Variants in ADAM12 observed in about 807,000 individuals in gnomAD.
The protein encoded by ADAM12 is disintegrin and metalloproteinase domain-containing protein 12.
In ADAM12, 70 loss-of-function variants were observed where a neutral mutation model predicts 106.4. The observed-to-expected ratio is 0.66, with a 90% CI of 0.54 to 0.80. ADAM12 has a LOEUF of 0.80. Ranked by LOEUF, ADAM12 falls within the 30% of genes least tolerant of loss-of-function variation. The pLI is 0.00. For synonymous variants in ADAM12, 420 were observed against 433.5 expected, an observed-to-expected ratio of 0.97 and a Z score of 0.39; for missense variants, 1,010 against 1,171.9, an observed-to-expected ratio of 0.86 and a Z score of 2.02.
chr10:126,221,198 A>G (rs1423963930), intron 3 of ADAM12, among the ~76,000 whole-genome samples: 1 of 152,176 alleles, frequency 6.6e-6, no homozygotes, highest in African/African-American at 2.4e-5. Flanking sequence ...AGCCTGGCCA[A>G]TATGGTGAAA....
At chr10:126,178,212 C>CAA (rs11390365) in intron 3 of ADAM12, among the ~76,000 whole-genome samples, 468 of 147,204 alleles carry the variant, frequency 3.2e-3, no homozygotes, top group Non-Finnish European at 4.7e-3. Flanking sequence ...CTCAAACAGT[C>CAA]AAAAAAAAAA....
At chr10:126,144,334 A>T (rs1026101934) in intron 4 of ADAM12, among the ~76,000 whole-genome samples, 1 of 152,220 alleles carries the variant, frequency 6.6e-6, no homozygotes, top group Non-Finnish European at 1.5e-5. Flanking sequence ...TCAAATAAAC[A>T]TGACATGGGG....
At chr10:126,076,858 T>C (rs978111205) in intron 11 of ADAM12, among the ~76,000 whole-genome samples, 1 of 152,184 alleles carries the variant, frequency 6.6e-6, no homozygotes, top group Non-Finnish European at 1.5e-5. Flanking sequence ...AGGTCCCACT[T>C]GTCAATTTTT....
At chr10:126,139,120 T>C (rs974108881) in intron 4 of ADAM12, among the ~76,000 whole-genome samples, 1 of 152,236 alleles carries the variant, frequency 6.6e-6, no homozygotes, top group Non-Finnish European at 1.5e-5. Context: ...AATAACCCAT[T>C]GAGATCTCAG....
intron 3 of ADAM12, among the ~76,000 whole-genome samples, chr10:126,229,079 A>C (rs1325883553): frequency 6.6e-6 from 1 of 152,328 alleles, no homozygotes; most frequent in African/African-American, 2.4e-5. Context: ...CGCTAATGGA[A>C]ACACTTCTGC....
chr10:126,315,226 C>T (rs776152831), intron 2 of ADAM12, among the ~76,000 whole-genome samples: 7 of 152,224 alleles, frequency 4.6e-5, no homozygotes, highest in Middle Eastern at 3.4e-3. Context: ...GTGTTGTCTT[C>T]GAGGGTATTT....
At chr10:126,370,429 A>C (rs1856068801) in intron 1 of ADAM12, among the ~76,000 whole-genome samples, 1 of 152,204 alleles carries the variant, frequency 6.6e-6, no homozygotes, top group Non-Finnish European at 1.5e-5. Context: ...AAGATAGTAT[A>C]CTTAATTATT....
intron 3 of ADAM12, among the ~76,000 whole-genome samples, chr10:126,249,624 A>T (rs1958705777): frequency 6.6e-6 from 1 of 152,242 alleles, no homozygotes; most frequent in Non-Finnish European, 1.5e-5. Context: ...GAATGGCGTC[A>T]ACCCGGGAGG....
chr10:126,225,242 T>C (rs1374061382), intron 3 of ADAM12, among the ~76,000 whole-genome samples: 1 of 152,218 alleles, frequency 6.6e-6, no homozygotes, highest in Non-Finnish European at 1.5e-5. Flanking sequence ...GCACCATGTA[T>C]ATGTTTTCTG....
chr10:126,377,632 A>G (rs1856341096), intron 1 of ADAM12, among the ~76,000 whole-genome samples: 1 of 152,202 alleles, frequency 6.6e-6, no homozygotes, highest in Non-Finnish European at 1.5e-5. Context: ...GCATCCTTCA[A>G]TCCAATCAAG....
chr10:126,030,878 T>C (rs1211189752), intron 21 of ADAM12, among the ~76,000 whole-genome samples: 2 of 152,226 alleles, frequency 1.3e-5, no homozygotes, highest in East Asian at 3.9e-4. Flanking sequence ...CTGAGTGTGA[T>C]GGCGCCATGG....
chr10:126,232,359 T>A (rs1057191894), intron 3 of ADAM12, among the ~76,000 whole-genome samples: 1 of 152,018 alleles, frequency 6.6e-6, no homozygotes, highest in Non-Finnish European at 1.5e-5. Flanking sequence ...AGAAATAGGA[T>A]TTTCCTGAGA....
Position 126,279,080 on chromosome 10 carries a change from A to C in ADAM12, c.187-92T>G, listed in dbSNP as rs1276145334. ...ACCCACAGGCGTAGTCAAATGAGGG[A>C]ATAAACGATGCGGTCAACCTAAGAA... On this transcript the variant is annotated intron_variant, in intron 2 of 22. Transcript: ENST00000448723. 50 of 930,170 alleles carry C rather than the reference A, an allele frequency of 5.4e-5. 1 individual carries two copies. In the East Asian group the frequency reaches 1.3e-3, roughly 23 times the overall value. The allele number at this position is 930,170 out of a possible 1,614,324, so 57.6% of individuals were successfully genotyped here.
chr10:126,183,405 G>T (rs944925161), intron 3 of ADAM12, among the ~76,000 whole-genome samples: 1 of 152,116 alleles, frequency 6.6e-6, no homozygotes, highest in South Asian at 2.1e-4. Context: ...AACACCACCC[G>T]TGTGCGAGCA....
intron 1 of ADAM12, among the ~76,000 whole-genome samples, chr10:126,338,156 G>A (rs1033119436): frequency 4.0e-5 from 6 of 151,682 alleles, no homozygotes; most frequent in African/African-American, 1.5e-4. Flanking sequence ...CCCCAAGCAC[G>A]AGCTGTCTCT....
intron 4 of ADAM12, among the ~76,000 whole-genome samples, chr10:126,138,813 A>G (rs1301280655): frequency 2.1e-5 from 1 of 46,770 alleles, no homozygotes; most frequent in Non-Finnish European, 3.6e-5. Context: ...AGATCTACAC[A>G]TATCTTTTTC....
chr10:126,104,176 A>G (rs1221796000), intron 8 of ADAM12, among the ~76,000 whole-genome samples: 1 of 152,150 alleles, frequency 6.6e-6, no homozygotes, highest in East Asian at 1.9e-4. Context: ...GAGGCTGGAC[A>G]TGGTGGCTCA....
At chr10:126,249,781 A>G (rs907785891) in intron 3 of ADAM12, among the ~76,000 whole-genome samples, 8 of 152,200 alleles carry the variant, frequency 5.3e-5, no homozygotes, top group African/African-American at 1.9e-4. Flanking sequence ...CTGATTTAGA[A>G]TTCATGGCTG....
intron 3 of ADAM12, among the ~76,000 whole-genome samples, chr10:126,162,320 C>T (rs537666658): frequency 6.6e-6 from 1 of 152,200 alleles, no homozygotes; most frequent in Non-Finnish European, 1.5e-5. Context: ...GGGAGGAGAG[C>T]ATTCCAGCGA....
Sources: allele counts gnomAD v4.1 joint callset (sites outside exome capture counted in the v4.1 genomes callset), GRCh38; gene constraint gnomAD v4.1.1; transcripts MANE v1.5; gene names NCBI Gene and HGNC (gene_info 2026-07-23, HGNC 2026-07-21).